XRRA1: variants seen among roughly 807,000 people sequenced by gnomAD.
XRRA1 encodes X-ray radiation resistance associated 1.
Under a neutral mutation model 80.2 loss-of-function variants are expected in XRRA1, and 69 were observed. The ratio of observed to expected loss-of-function variants is 0.86; its 90% CI spans 0.71 to 1.05. The LOEUF is 1.05. XRRA1 is among the 50% of genes least tolerant of loss of function. XRRA1 has a pLI of 0.00. For synonymous variants in XRRA1, 348 were observed against 389.9 expected (o/e 0.89, Z 1.27); for missense variants, 967 against 976.4 (o/e 0.99, Z 0.13).
At chr11:74,906,525 T>C in intron 9 of XRRA1, 69 bp from the exon 10 acceptor site, 3 of 1,527,376 alleles carry the variant, frequency 2.0e-6, no homozygotes, top group Non-Finnish European at 2.7e-6. Flanking sequence ...ACCAAGCAAC[T>C]TTAGGGAAAA....
At chr11:74,845,738 G>C (rs143466358) in intron 15 of XRRA1, among the ~76,000 whole-genome samples, 59 of 152,382 alleles carry the variant, frequency 3.9e-4, no homozygotes, top group African/African-American at 1.4e-3. Flanking sequence ...GCAGTGGTAA[G>C]CAGGACCCGG....
At chr11:74,862,692 G>A (rs2135966466) in intron 11 of XRRA1, among the ~76,000 whole-genome samples, 1 of 152,276 alleles carries the variant, frequency 6.6e-6, no homozygotes, top group East Asian at 1.9e-4. Flanking sequence ...ATTACATTAT[G>A]CTAAACAGCA....
At chr11:74,910,179 CACCA>C (rs1477876948) in intron 8 of XRRA1, among the ~76,000 whole-genome samples, 5 of 152,120 alleles carry the variant, frequency 3.3e-5, no homozygotes, top group Admixed American at 2.6e-4. Flanking sequence ...AGATACAGAA[CACCA>C]ACTGTGCAAA....
chr11:74,879,441 T>A (rs1260503692), intron 10 of XRRA1, among the ~76,000 whole-genome samples: 1 of 152,204 alleles, frequency 6.6e-6, no homozygotes, highest in Non-Finnish European at 1.5e-5. Context: ...CTTTTCCTAA[T>A]TGAATACCCT....
intron 3 of XRRA1, among the ~76,000 whole-genome samples, 173 bp downstream of exon 3, chr11:74,940,612 T>C (rs557227263): frequency 1.3e-5 from 2 of 152,188 alleles, no homozygotes; most frequent in Admixed American, 6.5e-5. Context: ...AGGGGCACTG[T>C]GGTTAAATAT....
intron 10 of XRRA1, among the ~76,000 whole-genome samples, chr11:74,872,056 G>A (rs2044912174): frequency 6.6e-6 from 1 of 152,154 alleles, no homozygotes; most frequent in Non-Finnish European, 1.5e-5. Flanking sequence ...AGAGAAGAGA[G>A]GCAGTACCTC....
At chr11:74,862,332 A>G (rs936764632) in intron 11 of XRRA1, among the ~76,000 whole-genome samples, 1 of 152,204 alleles carries the variant, frequency 6.6e-6, no homozygotes, top group Non-Finnish European at 1.5e-5. Flanking sequence ...GTAAGCAGCT[A>G]TAGTTAACTG....
At chr11:74,878,411 G>A (rs2136513950) in intron 10 of XRRA1, among the ~76,000 whole-genome samples, 1 of 151,862 alleles carries the variant, frequency 6.6e-6, no homozygotes, top group South Asian at 2.1e-4. Flanking sequence ...CATTTTGTAG[G>A]TTGCCTGTTC....
At position 74,852,046 on chromosome 11, in the gene XRRA1, A is replaced by G; in HGVS notation, c.1207T>C (p.Phe403Leu). Residue 403 changes from phenylalanine (F) to leucine (L), a missense_variant, in exon 13 of 19, where the codon TTC (phenylalanine) becomes CTC (leucine). Coordinates refer to ENST00000684022, the MANE Select transcript of XRRA1 (RefSeq NM_001378157.1). ...KEDAVLPVAL[F>L]PSLCEFVFHN... is the part of the protein sequence containing the mutation. ...AAGACGAACTCGCAGAGAGATGGGA[A>G]GAGAGCTACTGGTAGGACAGCATCC... 1 of 1,613,946 alleles carries G rather than the reference A, an allele frequency of 6.2e-7. No homozygotes were observed. Among genetic ancestry groups the G allele is most frequent in the Non-Finnish European group, 8.5e-7 (1 of 1,179,850 alleles).
chr11:74,890,628 A>C (rs1266194366), intron 10 of XRRA1, among the ~76,000 whole-genome samples: 2 of 152,368 alleles, frequency 1.3e-5, no homozygotes, highest in African/African-American at 4.8e-5. Flanking sequence ...GTGTTTTGAA[A>C]AGATCAACAA....
chr11:74,914,581 CT>C lies in XRRA1; in HGVS notation c.656+6632del, dbSNP rs1382019119. ...CGCCAAATAATTATTACTACTGTCC[CT>C]TTTCCCTCTCATATATGTCCTGGTT... is the stretch of plus-strand genomic sequence containing the variant. On this transcript the variant is annotated intron_variant, in intron 8 of 18. Transcript: ENST00000684022. Among the ~76,000 whole-genome samples the C allele has an allele frequency of 2.6e-5, 4 of 152,218 alleles. No homozygotes were observed. The East Asian group carries it at 7.7e-4, about 29-fold the overall frequency.
intron 10 of XRRA1, among the ~76,000 whole-genome samples, chr11:74,869,358 A>T (rs1211213488): frequency 6.6e-6 from 1 of 152,212 alleles, no homozygotes; most frequent in East Asian, 1.9e-4. Flanking sequence ...CAGATAGGGT[A>T]AAAGAGTCCT....
intron 13 of XRRA1, 67 bp downstream of exon 13, chr11:74,851,922 G>T: frequency 7.5e-7 from 1 of 1,335,414 alleles, no homozygotes; most frequent in South Asian, 1.2e-5. Flanking sequence ...TGATGAGGTG[G>T]GGATGAGGGT....
intron 10 of XRRA1, among the ~76,000 whole-genome samples, chr11:74,888,167 C>T (rs962517088): frequency 1.1e-4 from 16 of 152,092 alleles, no homozygotes; most frequent in Non-Finnish European, 2.1e-4. Context: ...CTGGGAGGCA[C>T]CCCCCAGTAG....
chr11:74,919,513 T>C, intron 8 of XRRA1: 1 of 299,270 alleles, frequency 3.3e-6, no homozygotes, highest in Non-Finnish European at 6.5e-6. Flanking sequence ...CTTGAGTGGG[T>C]TTTGTATTTC....
intron 7 of XRRA1, among the ~76,000 whole-genome samples, chr11:74,926,422 G>A (rs1399362884): frequency 1.3e-5 from 2 of 152,118 alleles, no homozygotes; most frequent in Non-Finnish European, 2.9e-5. Context: ...ACAGCTTTTT[G>A]GGGTTGACCT....
chr11:74,917,934 T>C (rs955446377), intron 8 of XRRA1, among the ~76,000 whole-genome samples: 2 of 151,248 alleles, frequency 1.3e-5, no homozygotes, highest in African/African-American at 4.9e-5. Context: ...GTGACTGATA[T>C]TGTTTATAAA....
At chr11:74,870,308 A>C (rs910618881) in intron 10 of XRRA1, among the ~76,000 whole-genome samples, 13 of 152,184 alleles carry the variant, frequency 8.5e-5, no homozygotes, top group Non-Finnish European at 1.5e-4. Flanking sequence ...GGCAACTGAT[A>C]GTTCCTGGCC....
At position 74,842,786 on chromosome 11, in the gene XRRA1, A is replaced by G. The variant is rs1381602787; in HGVS notation, c.*414T>C. ...TACTCACAAGATCTGGTTTTTAAAA[A>G]TACCCTTTTTTGGAGCCATTGTTCA... is the stretch of plus-strand genomic sequence containing the variant. On this transcript the variant is annotated 3_prime_UTR_variant, in exon 19 of 19. Coordinates refer to ENST00000684022, the MANE Select transcript of XRRA1 (RefSeq NM_001378157.1). 4 of 188,574 alleles carry G rather than the reference A, an allele frequency of 2.1e-5. No homozygotes were observed. The highest frequency in any genetic ancestry group is 4.4e-5 in the Non-Finnish European group (4 of 90,398). The allele number at this position is 188,574 out of a possible 1,614,324, so 11.7% of individuals were successfully genotyped here.
Sources: gnomAD v4.1 joint callset for allele counts (sites outside exome capture counted in the v4.1 genomes callset) on GRCh38, gnomAD v4.1.1 for gene constraint, MANE v1.5 for transcripts, NCBI Gene and HGNC (gene_info 2026-07-23, HGNC 2026-07-21) for gene names.